The following CA5B variants were observed in gnomAD, a reference collection of about 807,000 sequenced individuals.
CA5B encodes the protein carbonic anhydrase 5B, mitochondrial.
A neutral mutation model predicts 23.1 loss-of-function variants in CA5B; 15 were observed. That is an observed-to-expected ratio of 0.65 (90% CI 0.43 to 1.00). CA5B has a LOEUF of 1.00. Ranked by LOEUF, CA5B falls within the 50% of genes least tolerant of loss-of-function variation. CA5B has a pLI of 0.00. For synonymous variants in CA5B, 84 were observed against 98.5 expected, an observed-to-expected ratio of 0.85 and a Z score of 0.87; for missense variants, 236 against 252.2, an observed-to-expected ratio of 0.94 and a Z score of 0.43.
At chrX:15,752,119 A>G (rs1194457142) in intron 2 of CA5B, among the ~76,000 whole-genome samples, 2 of 111,299 alleles carry the variant, frequency 1.8e-5, no homozygotes, top group African/African-American at 3.3e-5. Context: ...GTTTAGGGAG[A>G]CAGAAGTTAC....
Sources: allele counts gnomAD v4.1 joint callset (sites outside exome capture counted in the v4.1 genomes callset), GRCh38; gene constraint gnomAD v4.1.1; transcripts MANE v1.5; gene names NCBI Gene and HGNC (gene_info 2026-07-23, HGNC 2026-07-21).